The following GLUD1 variants were observed in gnomAD, a reference collection of about 807,000 sequenced individuals.
GLUD1 encodes glutamate dehydrogenase 1.
GLUD1 carries 22 observed loss-of-function variants against 56.0 expected under a neutral mutation model. The ratio of observed to expected loss-of-function variants is 0.39; its 90% CI spans 0.28 to 0.56. The LOEUF is 0.56. Among genes scored for constraint, GLUD1 ranks in the 20% least tolerant of loss-of-function variants. The pLI is 0.58. For missense variants in GLUD1, 451 were observed against 732.0 expected, an observed-to-expected ratio of 0.62 and a Z score of 4.43; for synonymous variants, 223 against 269.9, an observed-to-expected ratio of 0.83 and a Z score of 1.70.
intron 5 of GLUD1, among the ~76,000 whole-genome samples, chr10:87,066,477 T>C (rs1183085491): frequency 6.6e-6 from 1 of 152,190 alleles, no homozygotes; most frequent in Non-Finnish European, 1.5e-5. Context: ...CTTTCTCAAC[T>C]CTGGCCACAG....
At chr10:87,084,010 T>G (rs1294475822) in intron 1 of GLUD1, among the ~76,000 whole-genome samples, 2 of 152,172 alleles carry the variant, frequency 1.3e-5, no homozygotes, top group African/African-American at 4.8e-5. Context: ...GGTACACAGG[T>G]GTCAGCCACA....
At chr10:87,073,721 C>G (rs71473299) in intron 4 of GLUD1, among the ~76,000 whole-genome samples, 7,223 of 148,734 alleles carry the variant, frequency 0.049, 282 homozygotes, top group Non-Finnish European at 0.07. Context: ...CAGGTTCACA[C>G]CATTCTCCTG....
At chr10:87,070,362 A>G (rs1195207755) in intron 4 of GLUD1, among the ~76,000 whole-genome samples, 3 of 152,218 alleles carry the variant, frequency 2.0e-5, no homozygotes, top group Non-Finnish European at 4.4e-5. Context: ...GCACTTTGGG[A>G]GGCCGAGGTG....
At position 87,084,322 on chromosome 10, in the gene GLUD1, T is replaced by C. The variant is rs1335210580; in HGVS notation, c.446-7666A>G. 7.9e-5 allele frequency among the ~76,000 whole-genome samples: 12 copies of C among 152,378 alleles called. No individual in the cohort carries two copies. The East Asian group carries it at 1.9e-3, about 24-fold the overall frequency. On this transcript the variant is annotated intron_variant, in intron 1 of 12. Coordinates refer to ENST00000277865, the MANE Select transcript of GLUD1 (RefSeq NM_005271.5). ...TGCAGACATCTGCAACTATATACAG[T>C]ACAAAGCACTGATCTGATTTTTAAC...
In GLUD1 at chr10:87,094,021, GAC is replaced by G. The variant is rs1338778258; in HGVS notation, c.445+302_445+303del. The G allele has an allele frequency of 2.7e-6, 4 of 1,481,904 alleles. No individual in the cohort carries two copies. The highest frequency in any genetic ancestry group is 2.8e-5 in the East Asian group (1 of 36,196). The allele number at this position is 1,481,904 out of a possible 1,614,324, so 91.8% of individuals were successfully genotyped here. On this transcript the variant is annotated intron_variant, in intron 1 of 12. Coordinates refer to ENST00000277865, the MANE Select transcript of GLUD1 (RefSeq NM_005271.5). The surrounding 1 kb of genome is among the most constrained non-coding windows in gnomAD (Gnocchi z 6.6). Reference sequence around the variant, plus strand: ...CATTTCGGCAGGACCCGCCGTGTGTGACACAGACACCGGGACCAAAAGGAGAC... The same window carrying G: ...CATTTCGGCAGGACCCGCCGTGTGTGACAGACACCGGGACCAAAAGGAGAC...
chr10:87,073,776 G>T (rs1365174752), intron 4 of GLUD1, among the ~76,000 whole-genome samples: 2 of 151,708 alleles, frequency 1.3e-5, no homozygotes, highest in Non-Finnish European at 2.9e-5. Flanking sequence ...TCGCGACCAC[G>T]CCTGGCAAAT....
chr10:87,087,977 A>C (rs1841423303), intron 1 of GLUD1, among the ~76,000 whole-genome samples: 1 of 152,186 alleles, frequency 6.6e-6, no homozygotes, highest in Admixed American at 6.5e-5. Flanking sequence ...GCTACTTGGT[A>C]GGCTGAGGCA....
chr10:87,051,852 T>C lies in GLUD1; in HGVS notation c.1576A>G (p.Met526Val). The stretch of plus-strand genomic sequence containing the variant: ...AGGTCCAATCCCAGGTTATACTTCA[T>C]GGCTGTGCGCATAATTTGCTGAAAT... ...RSARQIMRTA[M>V]KYNLGLDLRT... is the part of the protein sequence containing the mutation. The change falls in exon 13 of 13, where the codon ATG becomes GTG. Residue 526 changes from methionine (M) to valine (V), a missense_variant. By Grantham distance (21) the Met-to-Val change is conservative. Transcript: ENST00000277865. 3.1e-6 allele frequency: 5 copies of C among 1,614,190 alleles called. No homozygotes were observed. The highest frequency in any genetic ancestry group is 4.2e-6 in the Non-Finnish European group (5 of 1,180,028).
chr10:87,071,877 C>T (rs1846247564), intron 4 of GLUD1, among the ~76,000 whole-genome samples: 1 of 152,184 alleles, frequency 6.6e-6, no homozygotes, highest in Non-Finnish European at 1.5e-5. Context: ...CTATGTAAGA[C>T]TTCTACAATG....
At position 87,059,181 on chromosome 10, in the gene GLUD1, T is replaced by C. The variant is rs778228652; in HGVS notation, c.1371A>G (p.Lys457=). ...NHVSYGRLTF[K]YERDSNYHLL... ...AGTGGTAGTTAGAATCCCTTTCATA[T>C]TTGAAGGTCAAACGGCCATAGCTGA... is the stretch of plus-strand genomic sequence containing the variant. Residue 457 remains lysine, a synonymous_variant, in exon 10 of 13, where the codon AAA becomes AAG. Coordinates refer to ENST00000277865, the MANE Select transcript of GLUD1 (RefSeq NM_005271.5). 1.9e-6 allele frequency: 3 copies of C among 1,613,436 alleles called. No homozygotes were observed. The highest frequency in any genetic ancestry group is 2.5e-6 in the Non-Finnish European group (3 of 1,180,014).
At chr10:87,055,913 A>C (rs541760827) in intron 11 of GLUD1, among the ~76,000 whole-genome samples, 97 of 152,110 alleles carry the variant, frequency 6.4e-4, no homozygotes, top group African/African-American at 2.3e-3. Flanking sequence ...CAGGGGTTTG[A>C]GACCAGCCTG....
chr10:87,091,513 T>A (rs1352021986), intron 1 of GLUD1: 2 of 349,642 alleles, frequency 5.7e-6, no homozygotes, highest in East Asian at 3.3e-4. Context: ...ACTATGCCCC[T>A]TTGCTGGAAA....
In GLUD1 at chr10:87,094,012, G is replaced by A. The variant is rs35995991; in HGVS notation, c.445+313C>T. On this transcript the variant is annotated intron_variant, in intron 1 of 12. Transcript: ENST00000277865. This position sits in a 1 kb window ranked among gnomAD's most constrained non-coding sequence, Gnocchi z 6.6. ...CTAGAAGTGCATTTCGGCAGGACCC[G>A]CCGTGTGTGACACAGACACCGGGAC... The A allele has an allele frequency of 3.3e-5, 48 of 1,468,962 alleles. No homozygotes were observed. The highest frequency in any genetic ancestry group is 4.3e-5 in the Non-Finnish European group (48 of 1,104,122). 91.0% of individuals were successfully genotyped at this position (1,468,962 alleles called of 1,614,324 possible). A position where few individuals can be genotyped will look rare whatever the true frequency, so the allele number is the denominator to read the frequency against.
At chr10:87,080,592 C>G (rs545392298) in intron 1 of GLUD1, among the ~76,000 whole-genome samples, 35 of 151,232 alleles carry the variant, frequency 2.3e-4, no homozygotes, top group African/African-American at 8.1e-4. Context: ...GCCCCGCCGC[C>G]CCGTCTGGGA....
In GLUD1 at chr10:87,094,722, G is replaced by C. The variant is rs1313982001; in HGVS notation, c.48C>G (p.Pro16=). 1.4e-5 allele frequency: 21 copies of C among 1,513,212 alleles called. No individual in the cohort carries two copies. The highest frequency in any genetic ancestry group is 1.9e-5 in the Non-Finnish European group (21 of 1,130,282). The allele number at this position is 1,513,212 out of a possible 1,614,324, so 93.7% of individuals were successfully genotyped here. A position where few individuals can be genotyped will look rare whatever the true frequency, so the allele number is the denominator to read the frequency against. ...GEALLLSRAG[P]AALGSASADS... Reference sequence around the variant, plus strand: ...CGGCGGACGCCGAGCCCAGGGCAGCGGGCCCGGCCCGGGACAGCAACAGCG... The same window carrying C: ...CGGCGGACGCCGAGCCCAGGGCAGCCGGCCCGGCCCGGGACAGCAACAGCG... Residue 16 remains proline, a synonymous_variant, in exon 1 of 13, where the codon CCC becomes CCG. Coordinates refer to ENST00000277865, the MANE Select transcript of GLUD1 (RefSeq NM_005271.5). The surrounding 1 kb of genome is among the most constrained non-coding windows in gnomAD (Gnocchi z 6.6).
At chr10:87,090,269 C>G (rs2133860142) in intron 1 of GLUD1, among the ~76,000 whole-genome samples, 1 of 152,222 alleles carries the variant, frequency 6.6e-6, no homozygotes, top group South Asian at 2.1e-4. Flanking sequence ...CACTATATGC[C>G]AAAAGTTCAG....
At chr10:87,068,287 G>C in intron 4 of GLUD1, 130 bp from the exon 5 acceptor site, 1 of 681,330 alleles carries the variant, frequency 1.5e-6, no homozygotes, top group Non-Finnish European at 2.7e-6. Flanking sequence ...CATTTAGGTA[G>C]CTAATCAAAG....
At chr10:87,068,717 C>G (rs532843022) in intron 4 of GLUD1, among the ~76,000 whole-genome samples, 10 of 152,094 alleles carry the variant, frequency 6.6e-5, no homozygotes, top group Non-Finnish European at 1.3e-4. Flanking sequence ...ACCTATTATT[C>G]GACATTCAGC....
chr10:87,056,929 A>T (rs1234588749), intron 11 of GLUD1, among the ~76,000 whole-genome samples: 4 of 151,226 alleles, frequency 2.6e-5, no homozygotes, highest in African/African-American at 4.9e-5. Context: ...CCTGTCTTCC[A>T]TCATTTACTG....
Sources: gnomAD v4.1 joint callset for allele counts (sites outside exome capture counted in the v4.1 genomes callset) on GRCh38, gnomAD v4.1.1 for gene constraint, Gnocchi (gnomAD v3.1) non-coding constraint, MANE v1.5 for transcripts, NCBI Gene and HGNC (gene_info 2026-07-23, HGNC 2026-07-21) for gene names.